The following ITFG1 variants were observed in gnomAD, a reference collection of about 807,000 sequenced individuals.
ITFG1 encodes the protein T-cell immunomodulatory protein.
A neutral mutation model predicts 81.8 loss-of-function variants in ITFG1; 34 were observed. The ratio of observed to expected loss-of-function variants is 0.42; its 90% confidence interval spans 0.32 to 0.55. The LOEUF (loss-of-function observed/expected upper bound fraction) is 0.55, where lower values mean the gene tolerates loss of function less well. Ranked by LOEUF, ITFG1 falls within the 20% of genes least tolerant of loss-of-function variation. The pLI, the probability that ITFG1 is intolerant of heterozygous loss-of-function variation, is 0.17. For missense variants in ITFG1, 672 were observed against 755.4 expected, an observed-to-expected ratio of 0.89 and a Z score of 1.29; for synonymous variants, 285 against 270.6, an observed-to-expected ratio of 1.05 and a Z score of -0.52.
At chr16:47,450,516 T>A in intron 5 of ITFG1, 1 of 332,526 alleles carries the variant, frequency 3.0e-6, no homozygotes, top group Non-Finnish European at 5.7e-6. Flanking sequence ...TTAAAAATTT[T>A]CACAATTTAC....
intron 14 of ITFG1, among the ~76,000 whole-genome samples, chr16:47,184,086 T>A (rs7190570): frequency 0.011 from 1,703 of 151,966 alleles, 19 homozygotes; most frequent in Non-Finnish European, 0.018. Flanking sequence ...GAAAAAAGAA[T>A]AAAAAGAAAT....
chr16:47,197,373 C>T (rs746461807), intron 14 of ITFG1, among the ~76,000 whole-genome samples: 3 of 152,216 alleles, frequency 2.0e-5, no homozygotes, highest in Non-Finnish European at 4.4e-5. Context: ...TTTAGCTTAA[C>T]TCTTTCAACC....
intron 14 of ITFG1, among the ~76,000 whole-genome samples, chr16:47,209,418 T>C (rs1965539129): frequency 4.6e-5 from 7 of 152,220 alleles, no homozygotes; most frequent in Admixed American, 4.6e-4. Flanking sequence ...AATGGTATTT[T>C]AGGCTGCAAA....
intron 12 of ITFG1, among the ~76,000 whole-genome samples, chr16:47,245,661 A>C (rs1203196215): frequency 6.6e-6 from 1 of 152,190 alleles, no homozygotes; most frequent in Non-Finnish European, 1.5e-5. Flanking sequence ...AGCTTTTGAT[A>C]TACACAATGA....
chr16:47,365,690 G>T, intron 8 of ITFG1, 98 bp downstream of exon 8: 1 of 714,190 alleles, frequency 1.4e-6, no homozygotes, highest in Non-Finnish European at 2.4e-6. Flanking sequence ...AGACCCTGGA[G>T]TTATTTCCTG....
chr16:47,270,167 C>T (rs779446754), intron 10 of ITFG1, among the ~76,000 whole-genome samples: 10 of 151,992 alleles, frequency 6.6e-5, no homozygotes, highest in Non-Finnish European at 8.8e-5. Flanking sequence ...TTCTTAGTTA[C>T]GACACTAAAA....
In ITFG1 at chr16:47,224,688, T is replaced by G. The variant is rs146719081; in HGVS notation, c.1375-5742A>C. 5.7e-3 allele frequency among the ~76,000 whole-genome samples: 868 copies of G among 152,178 alleles called. 5 individuals are homozygous for G. The highest frequency in any genetic ancestry group is 9.7e-3 in the Admixed American group (148 of 15,294). Reference sequence around the variant, plus strand: ...AATTATGACATGCAAAGAAACAGTATGGCTCATACGTCGGGGAAAAAAAAA... The same window carrying G: ...AATTATGACATGCAAAGAAACAGTAGGGCTCATACGTCGGGGAAAAAAAAA... On this transcript the variant is annotated intron_variant, in intron 13 of 17. Coordinates refer to ENST00000320640, the MANE Select transcript of ITFG1 (RefSeq NM_030790.5).
intron 14 of ITFG1, among the ~76,000 whole-genome samples, chr16:47,181,128 G>C (rs1351160387): frequency 2.0e-5 from 3 of 150,710 alleles, no homozygotes; most frequent in Non-Finnish European, 4.4e-5. Context: ...CGTCTGAGAT[G>C]TGGGGAGCGC....
intron 10 of ITFG1, among the ~76,000 whole-genome samples, chr16:47,303,427 A>T (rs1464477905): frequency 6.6e-6 from 1 of 152,160 alleles, no homozygotes; most frequent in Non-Finnish European, 1.5e-5. Flanking sequence ...ACTTATTATG[A>T]GCTTTAAAAA....
At chr16:47,403,515 GAGA>G (rs1567488056) in intron 6 of ITFG1, among the ~76,000 whole-genome samples, 1 of 152,008 alleles carries the variant, frequency 6.6e-6, no homozygotes, top group Non-Finnish European at 1.5e-5. Context: ...TCCTAAATAA[GAGA>G]AGAAAAGTTG....
At position 47,459,194 on chromosome 16, in the gene ITFG1, T is replaced by A. The variant is rs1211948021; in HGVS notation, c.209-19A>T. ...TCATTTCCTAAAGAAAACAAATATA[T>A]GATATTAGAAAAATGTTTGTTGATA... is the stretch of plus-strand genomic sequence containing the variant. On this transcript the variant is annotated intron_variant, in intron 1 of 17. Coordinates refer to ENST00000320640, the MANE Select transcript of ITFG1 (RefSeq NM_030790.5). 1 of 1,481,576 alleles carries A rather than the reference T, an allele frequency of 6.7e-7. No individual in the cohort carries two copies. The highest frequency in any genetic ancestry group is 9.4e-7 in the Non-Finnish European group (1 of 1,060,330). The allele number at this position is 1,481,576 out of a possible 1,614,324, so 91.8% of individuals were successfully genotyped here.
At chr16:47,283,838 G>A (rs1336793056) in intron 10 of ITFG1, among the ~76,000 whole-genome samples, 1 of 152,180 alleles carries the variant, frequency 6.6e-6, no homozygotes, top group Non-Finnish European at 1.5e-5. Flanking sequence ...ACAATATTGT[G>A]TCAGTCAACA....
chr16:47,258,199 T>C (rs1966161640), intron 12 of ITFG1, among the ~76,000 whole-genome samples: 1 of 152,206 alleles, frequency 6.6e-6, no homozygotes, highest in Non-Finnish European at 1.5e-5. Context: ...CCTGATATGA[T>C]GCACTGAGAA....
At chr16:47,373,142 T>C (rs1968279397) in intron 7 of ITFG1, among the ~76,000 whole-genome samples, 1 of 152,240 alleles carries the variant, frequency 6.6e-6, no homozygotes, top group Non-Finnish European at 1.5e-5. Context: ...TCTTTCATGT[T>C]CTGGCCTAAA....
intron 7 of ITFG1, among the ~76,000 whole-genome samples, chr16:47,372,294 G>T (rs1308991572): frequency 6.6e-6 from 1 of 152,026 alleles, no homozygotes; most frequent in African/African-American, 2.4e-5. Context: ...GCTCAGGCTG[G>T]AGTGCAGTGG....
intron 7 of ITFG1, among the ~76,000 whole-genome samples, chr16:47,375,444 A>C (rs1297734653): frequency 6.6e-6 from 1 of 151,960 alleles, no homozygotes; most frequent in Non-Finnish European, 1.5e-5. Flanking sequence ...AAGATTTCTT[A>C]ATCCTAGTCA....
At chr16:47,210,453 T>C (rs184841650) in intron 14 of ITFG1, among the ~76,000 whole-genome samples, 12 of 152,120 alleles carry the variant, frequency 7.9e-5, no homozygotes, top group Admixed American at 6.5e-4. Context: ...TGCAAATATC[T>C]TTCTTTCAGG....
At chr16:47,234,268 T>C (rs1965847819) in intron 13 of ITFG1, among the ~76,000 whole-genome samples, 1 of 151,948 alleles carries the variant, frequency 6.6e-6, no homozygotes, top group South Asian at 2.1e-4. Context: ...GCAGACAACA[T>C]ACAAGAAGAG....
intron 7 of ITFG1, among the ~76,000 whole-genome samples, chr16:47,372,867 C>T (rs1225553925): frequency 6.6e-6 from 1 of 152,142 alleles, no homozygotes; most frequent in Non-Finnish European, 1.5e-5. Context: ...CTTCTTTAAT[C>T]ATTCATCTCT....
Sources: gnomAD v4.1 joint callset for allele counts (sites outside exome capture counted in the v4.1 genomes callset) on GRCh38, gnomAD v4.1.1 for gene constraint, MANE v1.5 for transcripts, NCBI Gene and HGNC (gene_info 2026-07-23, HGNC 2026-07-21) for gene names.